IMMP2L: variants seen among roughly 807,000 people sequenced by gnomAD.
IMMP2L encodes mitochondrial inner membrane protease subunit 2.
In IMMP2L, 18 loss-of-function variants were observed where a neutral mutation model predicts 19.3. The ratio of observed to expected loss-of-function variants is 0.93; its 90% confidence interval spans 0.64 to 1.38. IMMP2L has a LOEUF of 1.38. Ranked by LOEUF, IMMP2L falls within the 40% of genes most tolerant of loss-of-function variation. IMMP2L has a pLI of 0.00. For missense variants in IMMP2L, 233 were observed against 218.2 expected, an observed-to-expected ratio of 1.07 and a Z score of -0.43; for synonymous variants, 76 against 73.0, an observed-to-expected ratio of 1.04 and a Z score of -0.21.
intron 3 of IMMP2L, among the ~76,000 whole-genome samples, chr7:111,098,849 T>C (rs1036111060): frequency 1.3e-5 from 2 of 151,750 alleles, no homozygotes; most frequent in African/African-American, 4.8e-5. Flanking sequence ...TGCCTCCCGT[T>C]GGTACTGCCT....
intron 3 of IMMP2L, among the ~76,000 whole-genome samples, chr7:111,126,217 A>G (rs1028594243): frequency 2.6e-5 from 4 of 152,192 alleles, no homozygotes; most frequent in African/African-American, 9.6e-5. Context: ...AAAACAGTTA[A>G]GGAGCTTCAC....
chr7:111,208,816 G>T (rs1410523720), intron 3 of IMMP2L, among the ~76,000 whole-genome samples: 2 of 152,086 alleles, frequency 1.3e-5, no homozygotes, highest in Non-Finnish European at 2.9e-5. Flanking sequence ...GGCTGTGACT[G>T]AAGTTTCATG....
chr7:110,779,456 C>T (rs1049600075), intron 5 of IMMP2L, among the ~76,000 whole-genome samples: 9 of 151,946 alleles, frequency 5.9e-5, no homozygotes, highest in South Asian at 2.1e-4. Flanking sequence ...GTTTAGTTAT[C>T]GAGAAAAACA....
chr7:111,139,025 A>T (rs1011401590), intron 3 of IMMP2L, among the ~76,000 whole-genome samples: 1 of 152,146 alleles, frequency 6.6e-6, no homozygotes, highest in African/African-American at 2.4e-5. Context: ...AATCATCTCT[A>T]TTGATCCCTT....
At chr7:111,360,101 CTGATTACAATTTCGCCATAATG>C (rs202003880) in intron 3 of IMMP2L, among the ~76,000 whole-genome samples, 31,005 of 151,748 alleles carry the variant, frequency 0.2, 5,614 homozygotes, top group African/African-American at 0.49. Context: ...GTTTTGGTTT[CTGATTACAATTTCGCCATAATG>C]TGATTACAAT....
At chr7:110,963,053 A>G in intron 4 of IMMP2L, 1 of 1,526,966 alleles carries the variant, frequency 6.5e-7, no homozygotes, top group Non-Finnish European at 8.8e-7. Context: ...CTGATTCGGA[A>G]GTTTCTGTTT....
At chr7:111,169,136 A>T (rs1375498837) in intron 3 of IMMP2L, among the ~76,000 whole-genome samples, 1 of 151,904 alleles carries the variant, frequency 6.6e-6, no homozygotes, top group East Asian at 1.9e-4. Flanking sequence ...GTATGTATAC[A>T]ACTATATATT....
intron 4 of IMMP2L, among the ~76,000 whole-genome samples, chr7:110,946,955 C>T (rs1040935446): frequency 1.4e-4 from 22 of 152,116 alleles, no homozygotes; most frequent in African/African-American, 4.3e-4. Flanking sequence ...ACCCTGACCT[C>T]GTGATCTGCC....
At chr7:110,926,056 C>G (rs1192141163) in intron 4 of IMMP2L, among the ~76,000 whole-genome samples, 1 of 151,872 alleles carries the variant, frequency 6.6e-6, no homozygotes, top group East Asian at 1.9e-4. Flanking sequence ...GATGGGAGCC[C>G]TAGAGTAGCC....
rs115961030 is a variant in IMMP2L, at chr7:111,327,789, G to C, written c.239+159449C>G. 9.0e-3 allele frequency among the ~76,000 whole-genome samples: 1,360 copies of C among 151,630 alleles called. 26 individuals carry two copies. Among genetic ancestry groups the C allele is most frequent in the African/African-American group, 0.031 (1,302 of 41,452 alleles). ...GTAGAAAGAAAGAGAGCCATAAATT[G>C]CTTAAGGTCAGAAATGCAAGCTGAA... On this transcript the variant is annotated intron_variant, in intron 3 of 5. Coordinates refer to ENST00000405709, the MANE Select transcript of IMMP2L (RefSeq NM_032549.4).
At chr7:111,103,879 T>C (rs1031116222) in intron 3 of IMMP2L, among the ~76,000 whole-genome samples, 3 of 151,632 alleles carry the variant, frequency 2.0e-5, no homozygotes, top group Non-Finnish European at 4.4e-5. Flanking sequence ...CGAGAGTCCA[T>C]GCCTGATCCC....
intron 3 of IMMP2L, among the ~76,000 whole-genome samples, chr7:111,256,346 T>C (rs1230193538): frequency 6.6e-6 from 1 of 152,058 alleles, no homozygotes; most frequent in Non-Finnish European, 1.5e-5. Flanking sequence ...ACTATAACAA[T>C]TTTTTATTTG....
At chr7:111,538,602 C>A (rs1848107985) in intron 1 of IMMP2L, among the ~76,000 whole-genome samples, 2 of 145,198 alleles carry the variant, frequency 1.4e-5, no homozygotes, top group Non-Finnish European at 3.0e-5. Flanking sequence ...AGTTTGAAAC[C>A]AACCTGAGCA....
intron 4 of IMMP2L, among the ~76,000 whole-genome samples, chr7:110,920,294 C>T (rs1164272092): frequency 2.0e-5 from 3 of 152,156 alleles, no homozygotes; most frequent in Non-Finnish European, 2.9e-5. Flanking sequence ...AACCCTAATA[C>T]AGTAGGTTTC....
intron 5 of IMMP2L, among the ~76,000 whole-genome samples, chr7:110,818,240 C>G (rs1372245765): frequency 6.6e-6 from 1 of 152,096 alleles, no homozygotes. Context: ...TATCCAGAAT[C>G]TACAATGAAC....
At chr7:111,157,559 G>A (rs889966489) in intron 3 of IMMP2L, among the ~76,000 whole-genome samples, 6 of 152,040 alleles carry the variant, frequency 3.9e-5, no homozygotes, top group Admixed American at 6.6e-5. Flanking sequence ...GTAGAATGAT[G>A]GTTACCAGAG....
In IMMP2L at chr7:111,075,337, A is replaced by G. The variant is rs1795310235; in HGVS notation, c.240-111772T>C. Reference sequence around the variant, plus strand: ...GAGATGGGGTTTCACCATGTTGGCCAGGCTGGTCTCGAACTCCTGAACTCA... The same window carrying G: ...GAGATGGGGTTTCACCATGTTGGCCGGGCTGGTCTCGAACTCCTGAACTCA... On this transcript the variant is annotated intron_variant, in intron 3 of 5. Coordinates refer to ENST00000405709, the MANE Select transcript of IMMP2L (RefSeq NM_032549.4). 1.3e-5 allele frequency among the ~76,000 whole-genome samples: 2 copies of G among 152,038 alleles called. 1 individual carries two copies. The highest frequency in any genetic ancestry group is 4.2e-4 in the South Asian group (2 of 4,812).
chr7:110,753,106 G>A (rs1460023302), intron 5 of IMMP2L, among the ~76,000 whole-genome samples: 2 of 152,120 alleles, frequency 1.3e-5, no homozygotes, highest in African/African-American at 2.4e-5. Flanking sequence ...GTTGATGCTG[G>A]GGGAGCAGAA....
chr7:111,470,288 T>C (rs1841118110), intron 3 of IMMP2L, among the ~76,000 whole-genome samples: 1 of 151,916 alleles, frequency 6.6e-6, no homozygotes, highest in South Asian at 2.1e-4. Context: ...GACTGTAAAC[T>C]AGTTCAACCC....
Sources: allele counts gnomAD v4.1 joint callset (sites outside exome capture counted in the v4.1 genomes callset), GRCh38; gene constraint gnomAD v4.1.1; transcripts MANE v1.5; gene names NCBI Gene and HGNC (gene_info 2026-07-23, HGNC 2026-07-21).